RASGRF2: variants seen among roughly 807,000 people sequenced by gnomAD.
RASGRF2 encodes Ras protein specific guanine nucleotide releasing factor 2.
RASGRF2 carries 76 observed loss-of-function variants against 151.0 expected under a neutral mutation model. That is an observed-to-expected ratio of 0.50 (90% CI 0.42 to 0.61). The LOEUF is 0.61. RASGRF2 is among the 20% of genes least tolerant of loss of function. The pLI is 0.00. For synonymous variants in RASGRF2, 504 were observed against 566.5 expected, an observed-to-expected ratio of 0.89 and a Z score of 1.57; for missense variants, 1,148 against 1,564.6, an observed-to-expected ratio of 0.73 and a Z score of 4.49.
chr5:81,135,355 C>A (rs866613530), intron 17 of RASGRF2, among the ~76,000 whole-genome samples: 2 of 152,064 alleles, frequency 1.3e-5, no homozygotes, highest in Non-Finnish European at 2.9e-5. Flanking sequence ...TTAATATATT[C>A]CCAGAGTTGG....
chr5:80,993,876 C>T (rs1443482267), intron 1 of RASGRF2, among the ~76,000 whole-genome samples: 1 of 152,126 alleles, frequency 6.6e-6, no homozygotes, highest in Admixed American at 6.5e-5. Flanking sequence ...AGCAGGAAGC[C>T]AGAGGGTTTC....
intron 17 of RASGRF2, among the ~76,000 whole-genome samples, chr5:81,135,395 TC>T (rs2112588717): frequency 6.6e-6 from 1 of 152,334 alleles, no homozygotes; most frequent in African/African-American, 2.4e-5. Flanking sequence ...TTAGAACATT[TC>T]CCCAAGCCCT....
At chr5:81,207,146 T>TAAA in intron 20 of RASGRF2, 100 bp from the exon 21 acceptor site, 1 of 1,023,958 alleles carries the variant, frequency 9.8e-7, no homozygotes. Flanking sequence ...AGTGGTGAAC[T>TAAA]TCATGCTTCC....
At chr5:81,201,184 C>T (rs967891936) in intron 18 of RASGRF2, 146 bp from the exon 19 acceptor site, 2 of 1,303,320 alleles carry the variant, frequency 1.5e-6, no homozygotes, top group Non-Finnish European at 2.0e-6. Flanking sequence ...AAATCGGGAC[C>T]CTAGGTGTGG....
chr5:81,110,062 A>G (rs1038467057), intron 13 of RASGRF2, among the ~76,000 whole-genome samples: 1 of 152,158 alleles, frequency 6.6e-6, no homozygotes, highest in African/African-American at 2.4e-5. Context: ...TGATGGCTCT[A>G]TTCTTCCCTG....
intron 2 of RASGRF2, among the ~76,000 whole-genome samples, chr5:81,053,583 C>A (rs191293855): frequency 6.6e-6 from 1 of 152,218 alleles, no homozygotes; most frequent in East Asian, 1.9e-4. Context: ...CTGCAATAAA[C>A]ATACGTGTGC....
At chr5:81,087,065 G>C (rs1752253805) in intron 9 of RASGRF2, 112 bp downstream of exon 9, 2 of 1,000,806 alleles carry the variant, frequency 2.0e-6, no homozygotes, top group African/African-American at 1.6e-5. Context: ...GTGCCCGAAG[G>C]ACCCCCCCAC....
At chr5:81,089,318 T>A (rs1161859970) in intron 9 of RASGRF2, among the ~76,000 whole-genome samples, 1 of 152,138 alleles carries the variant, frequency 6.6e-6, no homozygotes, top group African/African-American at 2.4e-5. Flanking sequence ...AGGGATGATA[T>A]GTGGTCTATT....
intron 1 of RASGRF2, among the ~76,000 whole-genome samples, chr5:81,031,779 A>C (rs1750259888): frequency 6.6e-6 from 1 of 152,182 alleles, no homozygotes; most frequent in South Asian, 2.1e-4. Flanking sequence ...AGCCAGCAGA[A>C]GGCAAAAAAT....
At chr5:81,198,547 C>G (rs1755319617) in intron 18 of RASGRF2, among the ~76,000 whole-genome samples, 1 of 152,018 alleles carries the variant, frequency 6.6e-6, no homozygotes, top group Non-Finnish European at 1.5e-5. Context: ...TCACACCATT[C>G]TCCTGCCTCA....
chr5:81,212,670 G>A (rs966121137), intron 23 of RASGRF2, 107 bp downstream of exon 23: 35 of 1,109,488 alleles, frequency 3.2e-5, no homozygotes, highest in African/African-American at 2.2e-4. Flanking sequence ...GAAATGAGCC[G>A]CTCAGTTGCC....
At chr5:81,216,957 C>A in intron 24 of RASGRF2, 1 of 455,748 alleles carries the variant, frequency 2.2e-6, no homozygotes. Context: ...TGGATTTTTC[C>A]ATCTAGTTCA....
At chr5:81,203,166 G>A (rs1755434606) in intron 19 of RASGRF2, among the ~76,000 whole-genome samples, 1 of 152,214 alleles carries the variant, frequency 6.6e-6, no homozygotes, top group Admixed American at 6.5e-5. Flanking sequence ...GACTCTGAGT[G>A]ATTACTGTTT....
At chr5:81,157,161 C>A (rs567628135) in intron 17 of RASGRF2, among the ~76,000 whole-genome samples, 1 of 151,716 alleles carries the variant, frequency 6.6e-6, no homozygotes, top group Admixed American at 6.6e-5. Context: ...GTCAGGAGAT[C>A]GAGACCACGG....
rs754706137 is a variant in RASGRF2, at chr5:81,225,667, T to A, written c.3622-11T>A. Reference sequence around the variant, plus strand: ...AAGAGGTAAAAGCTGGGACTTCCCCTTTTTTTTCAGGTCGCACAGTACTTG... The same window carrying A: ...AAGAGGTAAAAGCTGGGACTTCCCCATTTTTTTCAGGTCGCACAGTACTTG... On this transcript the variant is annotated splice_polypyrimidine_tract_variant and intron_variant, in intron 26 of 26. Transcript: ENST00000265080. 3 of 1,599,690 alleles carry A rather than the reference T, an allele frequency of 1.9e-6. No individual in the cohort carries two copies. Among genetic ancestry groups the A allele is most frequent in the South Asian group, 1.1e-5 (1 of 89,048 alleles).
chr5:81,026,832 T>G (rs1362585409), intron 1 of RASGRF2, among the ~76,000 whole-genome samples: 1 of 152,202 alleles, frequency 6.6e-6, no homozygotes, highest in Non-Finnish European at 1.5e-5. Context: ...AATACAATGT[T>G]TTATCAGTAG....
At chr5:80,983,527 A>G (rs980168425) in intron 1 of RASGRF2, among the ~76,000 whole-genome samples, 1 of 152,248 alleles carries the variant, frequency 6.6e-6, no homozygotes, top group African/African-American at 2.4e-5. Flanking sequence ...CCCTAGGCAA[A>G]CAGTGCTATT....
intron 23 of RASGRF2, among the ~76,000 whole-genome samples, 163 bp downstream of exon 23, chr5:81,212,726 A>C (rs912712350): frequency 6.6e-6 from 1 of 152,220 alleles, no homozygotes; most frequent in Admixed American, 6.5e-5. Context: ...TTACCACTTA[A>C]TTGATTTCAT....
At chr5:81,051,748 A>T (rs1017488235) in intron 2 of RASGRF2, among the ~76,000 whole-genome samples, 2 of 152,086 alleles carry the variant, frequency 1.3e-5, no homozygotes, top group Admixed American at 1.3e-4. Flanking sequence ...GGTTGTTCCC[A>T]CTTTTTGCTA....
Sources: allele counts gnomAD v4.1 joint callset (sites outside exome capture counted in the v4.1 genomes callset), GRCh38; gene constraint gnomAD v4.1.1; transcripts MANE v1.5; gene names NCBI Gene and HGNC (gene_info 2026-07-23, HGNC 2026-07-21).